FBXW7: variants seen among roughly 807,000 people sequenced by gnomAD.
FBXW7 encodes F-box and WD repeat domain containing 7.
In FBXW7, 11 loss-of-function variants were observed where a neutral mutation model predicts 86.3. That is an observed-to-expected ratio of 0.13 (90% CI 0.08 to 0.21). The LOEUF is 0.21. Ranked by LOEUF, FBXW7 falls within the 10% of genes least tolerant of loss-of-function variation. The probability of loss-of-function intolerance (pLI) is 1.00; values close to 1 mark genes in which losing one functional copy is unlikely to be tolerated. For synonymous variants in FBXW7, 313 were observed against 297.9 expected, an observed-to-expected ratio of 1.05 and a Z score of -0.52; for missense variants, 488 against 847.4, an observed-to-expected ratio of 0.58 and a Z score of 5.27.
At chr4:152,371,886 G>C (rs1386668830) in intron 4 of FBXW7, among the ~76,000 whole-genome samples, 1 of 151,906 alleles carries the variant, frequency 6.6e-6, no homozygotes. Flanking sequence ...GTCTCTCAGA[G>C]ACATGAAGGC....
chr4:152,515,333 C>T (rs964664643), intron 2 of FBXW7, among the ~76,000 whole-genome samples: 1 of 152,046 alleles, frequency 6.6e-6, no homozygotes, highest in African/African-American at 2.4e-5. Context: ...AGCGAGGGTG[C>T]AGGGAAGGAT....
chr4:152,426,646 T>TC (rs984550492), intron 2 of FBXW7, among the ~76,000 whole-genome samples: 3 of 151,868 alleles, frequency 2.0e-5, no homozygotes, highest in Admixed American at 6.6e-5. Context: ...AACAGGGGGA[T>TC]CCCCCCAAAT....
At chr4:152,396,925 TAA>T (rs1736467382) in intron 4 of FBXW7, among the ~76,000 whole-genome samples, 1 of 152,038 alleles carries the variant, frequency 6.6e-6, no homozygotes. Context: ...AACATCTCGG[TAA>T]AATTTAGAAC....
intron 2 of FBXW7, among the ~76,000 whole-genome samples, chr4:152,458,167 G>A (rs1056812100): frequency 5.9e-5 from 9 of 151,876 alleles, no homozygotes; most frequent in East Asian, 1.9e-4. Flanking sequence ...TTACAGGCAC[G>A]CACCACCACG....
At chr4:152,519,816 A>C (rs1237858588) in intron 2 of FBXW7, among the ~76,000 whole-genome samples, 1 of 152,228 alleles carries the variant, frequency 6.6e-6, no homozygotes, top group Non-Finnish European at 1.5e-5. Flanking sequence ...GACAGCATGC[A>C]TGATTAAAAG....
At position 152,535,387 on chromosome 4, in the gene FBXW7, C is replaced by G. The variant is rs982835190; in HGVS notation, c.-473G>C. 6 of 383,482 alleles carry G rather than the reference C, an allele frequency of 1.6e-5. No individual in the cohort carries two copies. Among genetic ancestry groups the G allele is most frequent in the Non-Finnish European group, 9.2e-6 (2 of 216,764 alleles). 23.8% of individuals were successfully genotyped at this position (383,482 alleles called of 1,614,324 possible). A position where few individuals can be genotyped will look rare whatever the true frequency, so the allele number is the denominator to read the frequency against. On this transcript the variant is annotated 5_prime_UTR_variant, in exon 1 of 14. Transcript: ENST00000281708. Reference sequence around the variant, plus strand: ...CGGCGACTGGCCAAGGGAGAAGACCCCCGGAGGGGGCTGAGGGGAGGGGGA... The same window carrying G: ...CGGCGACTGGCCAAGGGAGAAGACCGCCGGAGGGGGCTGAGGGGAGGGGGA...
chr4:152,347,148 T>C (rs1257173131), intron 5 of FBXW7, 77 bp from the exon 6 acceptor site: 7 of 1,182,450 alleles, frequency 5.9e-6, no homozygotes, highest in Non-Finnish European at 4.8e-6. Flanking sequence ...AGATACTTAT[T>C]AATAATAGAT....
At position 152,360,836 on chromosome 4, in the gene FBXW7, A is replaced by AAT. The variant is rs375017480; in HGVS notation, c.502-10714_502-10713dup. On this transcript the variant is annotated intron_variant, in intron 4 of 13. Transcript: ENST00000281708. ...TAGAAAAATATATTAAAATATATTA[A>AAT]ATATATATATATATATAAAATATAG... Among the ~76,000 whole-genome samples, 338 of 146,502 alleles carry AAT rather than the reference A, an allele frequency of 2.3e-3. 2 individuals carry two copies. The highest frequency in any genetic ancestry group is 3.6e-3 in the Middle Eastern group (1 of 278).
chr4:152,416,458 T>A (rs966889557), intron 2 of FBXW7, among the ~76,000 whole-genome samples: 1 of 152,152 alleles, frequency 6.6e-6, no homozygotes. Context: ...CAGCACAGGA[T>A]GTAAAAAAAC....
intron 2 of FBXW7, among the ~76,000 whole-genome samples, chr4:152,471,746 A>T (rs1743990130): frequency 6.6e-6 from 1 of 151,946 alleles, no homozygotes; most frequent in South Asian, 2.1e-4. Flanking sequence ...AAAAAAATTT[A>T]AAAATTACCC....
At chr4:152,523,836 T>C (rs1436514829) in intron 2 of FBXW7, among the ~76,000 whole-genome samples, 1 of 152,204 alleles carries the variant, frequency 6.6e-6, no homozygotes, top group East Asian at 1.9e-4. Context: ...GTATTTTGTC[T>C]CTCCTAACCA....
chr4:152,531,333 T>G (rs1750007516), intron 2 of FBXW7, among the ~76,000 whole-genome samples: 1 of 152,152 alleles, frequency 6.6e-6, no homozygotes, highest in African/African-American at 2.4e-5. Flanking sequence ...CTTAGACCTA[T>G]CTCCTTGTTG....
At chr4:152,351,175 T>TA (rs1731778486) in intron 4 of FBXW7, among the ~76,000 whole-genome samples, 1 of 152,088 alleles carries the variant, frequency 6.6e-6, no homozygotes, top group South Asian at 2.1e-4. Context: ...GCAGCAGCCT[T>TA]ATTTTCCTAC....
chr4:152,420,488 A>T (rs1157379437), intron 2 of FBXW7, among the ~76,000 whole-genome samples: 35 of 152,186 alleles, frequency 2.3e-4, no homozygotes, highest in Admixed American at 2.2e-3. Context: ...AATCCTTCCC[A>T]GAAGGTTTTT....
chr4:152,460,071 G>A (rs1742801386), intron 2 of FBXW7, among the ~76,000 whole-genome samples: 2 of 152,156 alleles, frequency 1.3e-5, no homozygotes, highest in South Asian at 2.1e-4. Flanking sequence ...AGTAATGAAC[G>A]AACAACACTG....
At chr4:152,437,836 G>A (rs570875166) in intron 2 of FBXW7, among the ~76,000 whole-genome samples, 15 of 152,132 alleles carry the variant, frequency 9.9e-5, no homozygotes, top group Non-Finnish European at 2.1e-4. Context: ...TAAAATGATC[G>A]TGACTCCCTG....
intron 4 of FBXW7, among the ~76,000 whole-genome samples, chr4:152,360,675 C>A (rs1732849118): frequency 1.3e-5 from 2 of 151,944 alleles, no homozygotes; most frequent in African/African-American, 4.8e-5. Flanking sequence ...AGGTACAGAG[C>A]TAGGTGACTA....
intron 4 of FBXW7, among the ~76,000 whole-genome samples, chr4:152,356,697 A>G (rs1349500135): frequency 6.6e-6 from 1 of 152,206 alleles, no homozygotes; most frequent in African/African-American, 2.4e-5. Flanking sequence ...ACTGTCATTA[A>G]CTTTCTGGGA....
intron 2 of FBXW7, among the ~76,000 whole-genome samples, chr4:152,514,946 T>C (rs928468435): frequency 6.6e-6 from 1 of 152,176 alleles, no homozygotes; most frequent in African/African-American, 2.4e-5. Flanking sequence ...GAGCTGAGAA[T>C]GTCAAGTCAA....
Sources: allele counts gnomAD v4.1 joint callset (sites outside exome capture counted in the v4.1 genomes callset), GRCh38; gene constraint gnomAD v4.1.1; transcripts MANE v1.5; gene names NCBI Gene and HGNC (gene_info 2026-07-23, HGNC 2026-07-21).